TSPAN32: variants seen among roughly 807,000 people sequenced by gnomAD.
TSPAN32 encodes tetraspanin 32, also known as tetraspanin-32.
TSPAN32 carries 47 observed loss-of-function variants against 42.7 expected under a neutral mutation model. The ratio of observed to expected loss-of-function variants is 1.10; its 90% CI spans 0.87 to 1.40. The LOEUF is 1.40. Among genes scored for constraint, TSPAN32 ranks in the 40% most tolerant of loss-of-function variants. The pLI, the probability that TSPAN32 is intolerant of heterozygous loss-of-function variation, is 0.00. For missense variants in TSPAN32, 469 were observed against 424.1 expected (o/e 1.11, Z -0.93); for synonymous variants, 175 against 175.9 (o/e 0.99, Z 0.04).
In TSPAN32 at chr11:2,304,394, AG is replaced by A. The variant is rs1230448886; in HGVS notation, c.279+193del. On this transcript the variant is annotated intron_variant, in intron 3 of 9. Transcript: ENST00000182290. This position sits in a 1 kb window ranked among gnomAD's most constrained non-coding sequence, Gnocchi z 4.8. ...GTATCTAGGCAGAAACAGAGGCCCC[AG>A]GGATGCTAGCCAGCCGAGACCCCCT... 6.6e-6 allele frequency among the ~76,000 whole-genome samples: 1 copy of A among 151,798 alleles called. No homozygotes were observed. Among genetic ancestry groups the A allele is most frequent in the African/African-American group, 2.4e-5 (1 of 41,284 alleles).
rs747639120 is a variant in TSPAN32 at position 2,317,966 on chromosome 11, G to T, written c.*42G>T. Reference sequence around the variant, plus strand: ...GCTGCACTCTCACCTGGAGGCTCCGGGGAAGCATCTGCCTCCAGGACCATT... The same window carrying T: ...GCTGCACTCTCACCTGGAGGCTCCGTGGAAGCATCTGCCTCCAGGACCATT... On this transcript the variant is annotated 3_prime_UTR_variant, in exon 10 of 10. Transcript: ENST00000182290. The surrounding 1 kb of genome is among the most constrained non-coding windows in gnomAD (Gnocchi z 6.2). The T allele has an allele frequency of 1.2e-6, 1 of 806,074 alleles. No homozygotes were observed. Among genetic ancestry groups the T allele is most frequent in the South Asian group, 1.4e-5 (1 of 73,884 alleles). 49.9% of individuals were successfully genotyped at this position (806,074 alleles called of 1,614,324 possible).
At position 2,317,917 on chromosome 11, in the gene TSPAN32, C is replaced by T; in HGVS notation, c.956C>T (p.Ser319Leu). 1.8e-6 allele frequency: 2 copies of T among 1,107,808 alleles called. No homozygotes were observed. Among genetic ancestry groups the T allele is most frequent in the Non-Finnish European group, 2.8e-6 (2 of 718,084 alleles). The allele number at this position is 1,107,808 out of a possible 1,614,324, so 68.6% of individuals were successfully genotyped here. The stretch of plus-strand genomic sequence containing the variant: ...AGTGGGTGCCCTGAGCGGGGTCTCT[C>T]AGACTGACGTCAGGCCTTGGTGGGC... Reference protein sequence around the residue: ...GLSGCPERGLSD With the variant: ...GLSGCPERGLLD The change falls in exon 10 of 10, where the codon TCA becomes TTA. Residue 319 changes from serine to leucine, a missense_variant. Transcript: ENST00000182290. The surrounding 1 kb of genome is among the most constrained non-coding windows in gnomAD (Gnocchi z 6.2).
intron 4 of TSPAN32, chr11:2,309,379 C>T (rs751158881): frequency 4.7e-5 from 22 of 469,552 alleles, no homozygotes; most frequent in South Asian, 1.4e-4. Flanking sequence ...CCTAGCTGAC[C>T]GTGGGCAGGG....
In TSPAN32 at chr11:2,317,957, G is replaced by A; in HGVS notation, c.*33G>A. ...CCTTGGTGGGCTGCACTCTCACCTG[G>A]AGGCTCCGGGGAAGCATCTGCCTCC... is the stretch of plus-strand genomic sequence containing the variant. On this transcript the variant is annotated 3_prime_UTR_variant, in exon 10 of 10. Transcript: ENST00000182290. The surrounding 1 kb of genome is among the most constrained non-coding windows in gnomAD (Gnocchi z 6.2). 1.2e-6 allele frequency: 1 copy of A among 831,358 alleles called. No homozygotes were observed. The highest frequency in any genetic ancestry group is 2.1e-6 in the Non-Finnish European group (1 of 470,840). 51.5% of individuals were successfully genotyped at this position (831,358 alleles called of 1,614,324 possible).
rs1014743767 is a variant in TSPAN32 at position 2,318,122 on chromosome 11, A to C, written c.*198A>C. On this transcript the variant is annotated 3_prime_UTR_variant, in exon 10 of 10. Transcript: ENST00000182290. This position sits in a 1 kb window ranked among gnomAD's most constrained non-coding sequence, Gnocchi z 4.2. Reference sequence around the variant, plus strand: ...AGCAAATTGTGGTCAAATATACATCACATCAAATTTACCATCTTAACCATT... The same window carrying C: ...AGCAAATTGTGGTCAAATATACATCCCATCAAATTTACCATCTTAACCATT... 7.6e-5 allele frequency: 42 copies of C among 554,338 alleles called. No individual in the cohort carries two copies. In the South Asian group the frequency reaches 9.6e-4, roughly 13 times the overall value. 34.3% of individuals were successfully genotyped at this position (554,338 alleles called of 1,614,324 possible). A position where few individuals can be genotyped will look rare whatever the true frequency, so the allele number is the denominator to read the frequency against.
In TSPAN32 at chr11:2,317,044, CT is replaced by C. The variant is rs1848840054; in HGVS notation, c.720-299del. On this transcript the variant is annotated intron_variant, in intron 8 of 9. Coordinates refer to ENST00000182290, the MANE Select transcript of TSPAN32 (RefSeq NM_139022.3). This position sits in a 1 kb window ranked among gnomAD's most constrained non-coding sequence, Gnocchi z 6.2. ...CCAACCCACAGCCAGGCAGCTCTTC[CT>C]GCCCCCACGGAGCCTGGCCCGTCTC... Among the ~76,000 whole-genome samples the C allele has an allele frequency of 6.6e-6, 1 of 152,092 alleles. No homozygotes were observed. The highest frequency in any genetic ancestry group is 1.5e-5 in the Non-Finnish European group (1 of 67,990).
chr11:2,304,966 C>T lies in TSPAN32; in HGVS notation c.279+762C>T, dbSNP rs1007281703. Among the ~76,000 whole-genome samples, 1 of 152,182 alleles carries T rather than the reference C, an allele frequency of 6.6e-6. No homozygotes were observed. The highest frequency in any genetic ancestry group is 6.5e-5 in the Admixed American group (1 of 15,288). ...GCTCCCACCTGTCCCTCTAGCCTCCCGTCTCCCCTTTCCAGCCATGAGGAG... is the reference window on the plus strand; with the variant it reads ...GCTCCCACCTGTCCCTCTAGCCTCCTGTCTCCCCTTTCCAGCCATGAGGAG... On this transcript the variant is annotated intron_variant, in intron 3 of 9. Transcript: ENST00000182290. The surrounding 1 kb of genome is among the most constrained non-coding windows in gnomAD (Gnocchi z 4.8).
intron 3 of TSPAN32, among the ~76,000 whole-genome samples, chr11:2,307,484 G>A (rs577106267): frequency 4.6e-5 from 7 of 152,234 alleles, no homozygotes; most frequent in African/African-American, 9.6e-5. Context: ...TAGACTCACC[G>A]TCAGGTACTC....
Position 2,302,187 on chromosome 11 carries a change from A to T in TSPAN32, c.38A>T (p.Gln13Leu). ...PWSRVRVAKC[Q>L]MLVTCFFILL... is the part of the protein sequence containing the mutation. ...AGTCGAGTCAGGGTTGCCAAATGCC[A>T]GATGCTGGTCACCTGCTTCTTTATC... Residue 13 changes from glutamine (Q) to leucine (L), a missense_variant, in exon 1 of 10, where the codon CAG becomes CTG. Transcript: ENST00000182290. 1 of 1,402,024 alleles carries T rather than the reference A, an allele frequency of 7.1e-7. No homozygotes were observed. The allele number at this position is 1,402,024 out of a possible 1,614,324, so 86.8% of individuals were successfully genotyped here.
intron 3 of TSPAN32, among the ~76,000 whole-genome samples, chr11:2,307,182 C>A (rs376813935): frequency 6.6e-6 from 1 of 152,246 alleles, no homozygotes; most frequent in East Asian, 1.9e-4. Flanking sequence ...CCCATGCTCA[C>A]GCCTGTGCTT....
intron 4 of TSPAN32, among the ~76,000 whole-genome samples, chr11:2,312,581 G>A (rs944359134): frequency 6.6e-6 from 1 of 152,246 alleles, no homozygotes; most frequent in African/African-American, 2.4e-5. Context: ...TCCAGGCTTG[G>A]GCAGGGCTGA....
chr11:2,315,472 C>A (rs1589818018), intron 6 of TSPAN32: 1 of 1,138,444 alleles, frequency 8.8e-7, no homozygotes, highest in African/African-American at 1.6e-5. Context: ...GGAGCGAGGG[C>A]CTGCCTCGAG....
intron 4 of TSPAN32, chr11:2,309,384 G>A: frequency 2.1e-6 from 1 of 469,328 alleles, no homozygotes; most frequent in South Asian, 1.5e-5. Context: ...CTGACCGTGG[G>A]CAGGGGCCAA....
In TSPAN32 at chr11:2,316,297, C is replaced by A; in HGVS notation, c.612C>A (p.Ile204=). ...HQQVASSLTS[I]GLALTVSALL... ...AGGTCGCCTCCAGCCTGACCAGCATCGGCCTGGCCCTCACGGTACCCTCTC... is the reference window on the plus strand; with the variant it reads ...AGGTCGCCTCCAGCCTGACCAGCATAGGCCTGGCCCTCACGGTACCCTCTC... The change falls in exon 7 of 10, where the codon ATC becomes ATA. Residue 204 remains isoleucine (I), a synonymous_variant. Coordinates refer to ENST00000182290, the MANE Select transcript of TSPAN32 (RefSeq NM_139022.3). The A allele has an allele frequency of 6.2e-7, 1 of 1,601,234 alleles. No homozygotes were observed. Among genetic ancestry groups the A allele is most frequent in the East Asian group, 2.3e-5 (1 of 44,442 alleles).
chr11:2,307,736 C>T (rs1377565134), intron 3 of TSPAN32, among the ~76,000 whole-genome samples: 5 of 152,064 alleles, frequency 3.3e-5, no homozygotes, highest in African/African-American at 9.7e-5. Context: ...GGTGCGCAGA[C>T]GTTTCCACCA....
At chr11:2,305,203 C>T (rs1000709913) in intron 3 of TSPAN32, among the ~76,000 whole-genome samples, 14 of 152,230 alleles carry the variant, frequency 9.2e-5, no homozygotes, top group African/African-American at 3.4e-4. Context: ...GGCCAACCAG[C>T]CCTGGGTGGG....
chr11:2,315,171 A>G (rs1241473575), intron 6 of TSPAN32: 4 of 246,554 alleles, frequency 1.6e-5, no homozygotes, highest in Non-Finnish European at 2.8e-5. Flanking sequence ...CCCCCAGCCC[A>G]CCCTGCCCCC....
Position 2,317,731 on chromosome 11 carries a change from C to A in TSPAN32, c.902-132C>A. 6.6e-7 allele frequency: 1 copy of A among 1,514,288 alleles called. No individual in the cohort carries two copies. The highest frequency in any genetic ancestry group is 1.2e-5 in the South Asian group (1 of 81,196). The allele number at this position is 1,514,288 out of a possible 1,614,324, so 93.8% of individuals were successfully genotyped here. On this transcript the variant is annotated intron_variant, in intron 9 of 9. Transcript: ENST00000182290. This position sits in a 1 kb window ranked among gnomAD's most constrained non-coding sequence, Gnocchi z 6.2. ...CCACACTGGAGGCAGCAGCCCAGGG[C>A]AGACTGCAAGACACTGGTGGCCCAC...
At position 2,304,166 on chromosome 11, in the gene TSPAN32, G is replaced by A. The variant is rs749060868; in HGVS notation, c.241G>A (p.Ala81Thr). ...LLTLGAVLSA[A>T]ATVREAQGLM... ...GACTCTGGGAGCCGTGCTGAGCGCT[G>A]CAGCCACCGTGAGGGAGGCCCAGGG... The change falls in exon 3 of 10, where the codon GCA becomes ACA. Residue 81 changes from alanine to threonine, a missense_variant. Ala to Thr is a moderately conservative substitution (Grantham distance 58). Transcript: ENST00000182290. This position sits in a 1 kb window ranked among gnomAD's most constrained non-coding sequence, Gnocchi z 4.8. 1 of 1,588,014 alleles carries A rather than the reference G, an allele frequency of 6.3e-7. No individual in the cohort carries two copies. The highest frequency in any genetic ancestry group is 1.1e-5 in the South Asian group (1 of 87,310).
Sources: gnomAD v4.1 joint callset for allele counts (sites outside exome capture counted in the v4.1 genomes callset) on GRCh38, gnomAD v4.1.1 for gene constraint, Gnocchi (gnomAD v3.1) non-coding constraint, MANE v1.5 for transcripts, NCBI Gene and HGNC (gene_info 2026-07-23, HGNC 2026-07-21) for gene names.